Variants in DEK observed in about 807,000 individuals in gnomAD.
The protein encoded by DEK is protein DEK.
Under a neutral mutation model 46.8 loss-of-function variants are expected in DEK, and 28 were observed. That is an observed-to-expected ratio of 0.60 (90% CI 0.44 to 0.82). The LOEUF (loss-of-function observed/expected upper bound fraction) is 0.82. Among genes scored for constraint, DEK ranks in the 40% least tolerant of loss-of-function variants. DEK has a pLI of 0.00. For synonymous variants in DEK, 160 were observed against 144.5 expected, an observed-to-expected ratio of 1.11 and a Z score of -0.77; for missense variants, 416 against 430.6, an observed-to-expected ratio of 0.97 and a Z score of 0.30.
At chr6:18,256,898 T>C (rs1791619239) in intron 4 of DEK, among the ~76,000 whole-genome samples, 1 of 152,216 alleles carries the variant, frequency 6.6e-6, no homozygotes, top group African/African-American at 2.4e-5. Flanking sequence ...AAAAAGCTAA[T>C]ACCGTTCACT....
Position 18,225,716 on chromosome 6 carries a change from ATC to A in DEK, c.*1_*2del, listed in dbSNP as rs569862193. The A allele has an allele frequency of 6.8e-6, 11 of 1,613,304 alleles. No homozygotes were observed. Among genetic ancestry groups the A allele is most frequent in the Non-Finnish European group, 9.3e-6 (11 of 1,179,616 alleles). ...GAACGAGTCATCTTCTCTGTCCTCT[ATC>A]TCAAGAAATTAGCTGTAATGAAAGA... On this transcript the variant is annotated 3_prime_UTR_variant, in exon 11 of 11. Transcript: ENST00000652689.
At chr6:18,244,599 T>C (rs1191762789) in intron 7 of DEK, 4 of 1,284,934 alleles carry the variant, frequency 3.1e-6, no homozygotes, top group Non-Finnish European at 4.1e-6. Flanking sequence ...AGCAGAAAGG[T>C]TGTACTGGGT....
intron 9 of DEK, among the ~76,000 whole-genome samples, chr6:18,231,396 C>CA (rs962961477): frequency 2.0e-5 from 3 of 151,764 alleles, no homozygotes; most frequent in Admixed American, 6.6e-5. Context: ...GACACAGACA[C>CA]AAAAAAACCT....
At chr6:18,258,245 C>T in intron 3 of DEK, 59 bp downstream of exon 3, 1 of 1,440,002 alleles carries the variant, frequency 6.9e-7, no homozygotes, top group Non-Finnish European at 9.6e-7. Flanking sequence ...TACAAACCAT[C>T]ATTTTCACAA....
At chr6:18,256,091 G>C (rs555066158) in intron 5 of DEK, among the ~76,000 whole-genome samples, 1 of 151,818 alleles carries the variant, frequency 6.6e-6, no homozygotes, top group East Asian at 1.9e-4. Flanking sequence ...AGGTTCAAGC[G>C]ATTCTCCTGC....
chr6:18,253,605 AG>A (rs1791484475), intron 6 of DEK, among the ~76,000 whole-genome samples: 1 of 152,222 alleles, frequency 6.6e-6, no homozygotes, highest in African/African-American at 2.4e-5. Flanking sequence ...ACTAATCTTT[AG>A]GAAACTACAA....
At position 18,242,257 on chromosome 6, in the gene DEK, G is replaced by A. The variant is rs149953337; in HGVS notation, c.763-4741C>T. On this transcript the variant is annotated intron_variant, in intron 7 of 10. Transcript: ENST00000652689. ...ATGCACCTGTGGACCCAGCTACTAG[G>A]GTGGCTGTGCCACGAGAATTGCTGA... 4.4e-3 allele frequency among the ~76,000 whole-genome samples: 665 copies of A among 152,280 alleles called. 3 individuals carry two copies. The highest frequency in any genetic ancestry group is 6.1e-3 in the Non-Finnish European group (412 of 68,018).
intron 9 of DEK, among the ~76,000 whole-genome samples, chr6:18,236,234 T>C (rs911850558): frequency 6.6e-6 from 1 of 152,224 alleles, no homozygotes; most frequent in Non-Finnish European, 1.5e-5. Flanking sequence ...ACTCTAACTT[T>C]ATTCATTTTA....
rs188944350 is a variant in DEK, at chr6:18,248,940, C to T, written c.762+711G>A. 9.2e-5 allele frequency among the ~76,000 whole-genome samples: 14 copies of T among 152,220 alleles called. No individual in the cohort carries two copies. The East Asian group carries it at 2.1e-3, about 23-fold the overall frequency. ...TATAGAGCAAGTTCCAACCTTTGAA[C>T]GAAAACATCAAAGTTAAAATACAGT... On this transcript the variant is annotated intron_variant, in intron 7 of 10. Transcript: ENST00000652689.
Position 18,225,714 on chromosome 6 carries a change from C to G in DEK, c.*5G>C, listed in dbSNP as rs767276591. Reference sequence around the variant, plus strand: ...GGGAACGAGTCATCTTCTCTGTCCTCTATCTCAAGAAATTAGCTGTAATGA... The same window carrying G: ...GGGAACGAGTCATCTTCTCTGTCCTGTATCTCAAGAAATTAGCTGTAATGA... On this transcript the variant is annotated 3_prime_UTR_variant, in exon 11 of 11. Coordinates refer to ENST00000652689, the MANE Select transcript of DEK (RefSeq NM_003472.4). 5 of 1,613,154 alleles carry G rather than the reference C, an allele frequency of 3.1e-6. No individual in the cohort carries two copies. The African/African-American group carries it at 5.3e-5, about 17-fold the overall frequency.
chr6:18,263,649 A>G lies in DEK; in HGVS notation c.145+194T>C, dbSNP rs572756889. Among the ~76,000 whole-genome samples the G allele has an allele frequency of 6.6e-5, 10 of 152,324 alleles. No individual in the cohort carries two copies. The East Asian group carries it at 9.6e-4, about 15-fold the overall frequency. ...TACCACGCTAACAAATACTTTAAAAACCGGAATACACAAAGTCAATTCTAC... is the reference window on the plus strand; with the variant it reads ...TACCACGCTAACAAATACTTTAAAAGCCGGAATACACAAAGTCAATTCTAC... On this transcript the variant is annotated intron_variant, in intron 2 of 10. Transcript: ENST00000652689.
chr6:18,226,386 T>A, intron 9 of DEK, 144 bp from the exon 10 acceptor site: 2 of 605,382 alleles, frequency 3.3e-6, no homozygotes, highest in Non-Finnish European at 5.0e-6. Context: ...TATGGAATTC[T>A]ATTCCAAATG....
chr6:18,236,194 G>T (rs1417548142), intron 9 of DEK, among the ~76,000 whole-genome samples: 1 of 152,064 alleles, frequency 6.6e-6, no homozygotes, highest in Non-Finnish European at 1.5e-5. Flanking sequence ...TTTCCTATGT[G>T]GTTTGGAATG....
intron 7 of DEK, among the ~76,000 whole-genome samples, chr6:18,241,143 T>C (rs1478174043): frequency 6.6e-6 from 1 of 152,198 alleles, no homozygotes; most frequent in South Asian, 2.1e-4. Flanking sequence ...CCTGCAGGTT[T>C]TCATCACTTC....
chr6:18,255,687 CTATGAATAACTGATT>C, intron 6 of DEK, 29 bp downstream of exon 6: 1 of 1,571,300 alleles, frequency 6.4e-7, no homozygotes, highest in Non-Finnish European at 8.6e-7. Flanking sequence ...TATAAAGAGG[CTATGAATAACTGATT>C]TATGAAAAAA....
intron 7 of DEK, among the ~76,000 whole-genome samples, chr6:18,245,168 G>GC (rs1167980017): frequency 1.3e-5 from 2 of 152,206 alleles, no homozygotes; most frequent in Non-Finnish European, 2.9e-5. Flanking sequence ...AGGGAAAAAA[G>GC]CCAAAACATC....
intron 9 of DEK, among the ~76,000 whole-genome samples, chr6:18,230,251 C>T (rs1223704561): frequency 6.6e-6 from 1 of 152,144 alleles, no homozygotes; most frequent in Non-Finnish European, 1.5e-5. Flanking sequence ...AAAGGAACAA[C>T]CGGTACCAGC....
At chr6:18,264,096 G>A (rs2151097966) in intron 1 of DEK, 100 bp from the exon 2 acceptor site, 1 of 1,142,940 alleles carries the variant, frequency 8.7e-7, no homozygotes, top group Non-Finnish European at 1.2e-6. Flanking sequence ...CGGGACACCT[G>A]CCCTGAAAGT....
At chr6:18,246,885 T>A (rs1320567647) in intron 7 of DEK, among the ~76,000 whole-genome samples, 1 of 152,192 alleles carries the variant, frequency 6.6e-6, no homozygotes, top group Non-Finnish European at 1.5e-5. Context: ...TCTTAATGAA[T>A]AAGAGTCTTT....
Sources: allele counts gnomAD v4.1 joint callset (sites outside exome capture counted in the v4.1 genomes callset), GRCh38; gene constraint gnomAD v4.1.1; transcripts MANE v1.5; gene names NCBI Gene and HGNC (gene_info 2026-07-23, HGNC 2026-07-21).